The following PPP3CC variants were observed in gnomAD, a reference collection of about 807,000 sequenced individuals.
PPP3CC encodes serine/threonine-protein phosphatase 2B catalytic subunit gamma isoform.
Under a neutral mutation model 60.3 loss-of-function variants are expected in PPP3CC, and 35 were observed. That is an observed-to-expected ratio of 0.58 (90% CI 0.44 to 0.77). The LOEUF is 0.77. PPP3CC is among the 30% of genes least tolerant of loss of function. The pLI is 0.00. For synonymous variants in PPP3CC, 206 were observed against 224.3 expected, an observed-to-expected ratio of 0.92 and a Z score of 0.73; for missense variants, 570 against 628.9, an observed-to-expected ratio of 0.91 and a Z score of 1.00.
At chr8:22,523,894 G>A (rs1021937799) in intron 8 of PPP3CC, 2 of 190,716 alleles carry the variant, frequency 1.0e-5, no homozygotes, top group Non-Finnish European at 2.2e-5. Flanking sequence ...AAAACGTTTT[G>A]AGTAATGGCA....
At chr8:22,490,441 C>T (rs1239953116) in intron 3 of PPP3CC, among the ~76,000 whole-genome samples, 1 of 151,942 alleles carries the variant, frequency 6.6e-6, no homozygotes, top group African/African-American at 2.4e-5. Context: ...TCACTTACCA[C>T]TTTTTTTATA....
chr8:22,474,938 T>C lies in PPP3CC; in HGVS notation c.50-16T>C. 1 of 1,423,246 alleles carries C rather than the reference T, an allele frequency of 7.0e-7. No individual in the cohort carries two copies. 88.2% of individuals were successfully genotyped at this position (1,423,246 alleles called of 1,614,324 possible). A position where few individuals can be genotyped will look rare whatever the true frequency, so the allele number is the denominator to read the frequency against. ...ACATTTAAATATTTTAAATTATTAT[T>C]ATTATTTTTTTGTAGCTGTCCCCTT... On this transcript the variant is annotated splice_polypyrimidine_tract_variant and intron_variant, in intron 1 of 13. Coordinates refer to ENST00000240139, the MANE Select transcript of PPP3CC (RefSeq NM_005605.5).
chr8:22,471,889 T>C (rs1837733717), intron 1 of PPP3CC, among the ~76,000 whole-genome samples: 1 of 152,132 alleles, frequency 6.6e-6, no homozygotes, highest in South Asian at 2.1e-4. Flanking sequence ...CACTTTGGGA[T>C]GCTGAGGTCG....
At chr8:22,528,766 A>G (rs1432533962) in intron 10 of PPP3CC, among the ~76,000 whole-genome samples, 189 bp downstream of exon 10, 1 of 152,226 alleles carries the variant, frequency 6.6e-6, no homozygotes, top group Non-Finnish European at 1.5e-5. Flanking sequence ...CCATCATCTT[A>G]TAGATATCCA....
intron 1 of PPP3CC, among the ~76,000 whole-genome samples, chr8:22,449,230 C>T (rs1836930507): frequency 6.6e-6 from 1 of 152,124 alleles, no homozygotes. Context: ...GGCTGGATCA[C>T]TTGAGCTCAG....
intron 1 of PPP3CC, among the ~76,000 whole-genome samples, chr8:22,465,973 G>C (rs1205961570): frequency 2.6e-5 from 4 of 152,000 alleles, no homozygotes. Context: ...TTCTCCTAAT[G>C]CTCTCCCTCC....
chr8:22,531,410 T>G (rs1839713178), intron 10 of PPP3CC: 1 of 1,362,378 alleles, frequency 7.3e-7, no homozygotes. Context: ...AAATTGGTAG[T>G]TGAATAATTT....
chr8:22,522,686 G>A lies in PPP3CC; in HGVS notation c.880G>A (p.Gly294Ser), dbSNP rs1839439964. 6.2e-7 allele frequency: 1 copy of A among 1,607,724 alleles called. No individual in the cohort carries two copies. Among genetic ancestry groups the A allele is most frequent in the Non-Finnish European group, 8.5e-7 (1 of 1,174,518 alleles). ...YRMYRKSQAT[G>S]FPSLITIFSA... ...AATGTACAGGAAGAGCCAAGCCACAGGCTTTCCATCACTTATTACAATTTT... is the reference window on the plus strand; with the variant it reads ...AATGTACAGGAAGAGCCAAGCCACAAGCTTTCCATCACTTATTACAATTTT... The change falls in exon 8 of 14, where the codon GGC becomes AGC. Residue 294 changes from glycine (G) to serine (S), a missense_variant. Physicochemically the swap from Gly to Ser is moderately conservative, Grantham distance 56. Coordinates refer to ENST00000240139, the MANE Select transcript of PPP3CC (RefSeq NM_005605.5).
intron 2 of PPP3CC, 50 bp downstream of exon 2, chr8:22,475,201 G>A (rs1334300089): frequency 2.0e-6 from 3 of 1,494,052 alleles, no homozygotes; most frequent in Admixed American, 1.9e-5. Flanking sequence ...ATTTGCATGA[G>A]CAGTTTTGAG....
chr8:22,475,087 C>G lies in PPP3CC; in HGVS notation c.183C>G (p.Ile61Met). The G allele has an allele frequency of 6.2e-7, 1 of 1,613,702 alleles. No individual in the cohort carries two copies. The highest frequency in any genetic ancestry group is 8.5e-7 in the Non-Finnish European group (1 of 1,179,752). Residue 61 changes from isoleucine (I) to methionine (M), a missense_variant, in exon 2 of 14, where the codon ATC (isoleucine) becomes ATG (methionine). Transcript: ENST00000240139. Reference protein sequence around the residue: ...RLEEEVALKIINDGAAILRQE... With the variant: ...RLEEEVALKIMNDGAAILRQE... ...AAGAGGAAGTAGCCTTAAAGATAATCAATGATGGGGCTGCCATCCTGAGGC... is the reference window on the plus strand; with the variant it reads ...AAGAGGAAGTAGCCTTAAAGATAATGAATGATGGGGCTGCCATCCTGAGGC...
intron 12 of PPP3CC, 101 bp downstream of exon 12, chr8:22,533,119 C>T (rs999767474): frequency 3.6e-6 from 3 of 841,872 alleles, no homozygotes; most frequent in Admixed American, 3.4e-5. Flanking sequence ...GCCACGAGAG[C>T]AGTTGGTTAT....
chr8:22,481,856 A>G (rs1404411909), intron 3 of PPP3CC, among the ~76,000 whole-genome samples: 1 of 152,132 alleles, frequency 6.6e-6, no homozygotes, highest in Non-Finnish European at 1.5e-5. Flanking sequence ...CCCTGCAAAG[A>G]CATGAACTCA....
chr8:22,456,067 A>AGTAG (rs1376980702), intron 1 of PPP3CC, among the ~76,000 whole-genome samples: 2 of 152,366 alleles, frequency 1.3e-5, no homozygotes, highest in Non-Finnish European at 1.5e-5. Flanking sequence ...AGTCTGAAAA[A>AGTAG]GTAGGGCAGG....
At chr8:22,507,242 T>G (rs756114708) in intron 4 of PPP3CC, among the ~76,000 whole-genome samples, 29 of 152,100 alleles carry the variant, frequency 1.9e-4, no homozygotes, top group Non-Finnish European at 3.8e-4. Context: ...TCAGATAATT[T>G]TGTTGAAAAT....
chr8:22,450,015 C>T (rs949544716), intron 1 of PPP3CC, among the ~76,000 whole-genome samples: 2 of 151,564 alleles, frequency 1.3e-5, no homozygotes, highest in African/African-American at 4.8e-5. Context: ...TACAGGTGTG[C>T]GCCACCACAC....
chr8:22,444,261 CA>C (rs140849668), intron 1 of PPP3CC, among the ~76,000 whole-genome samples: 50,023 of 122,594 alleles, frequency 0.41, 9,022 homozygotes, highest in East Asian at 0.52. Flanking sequence ...AGTCTCAAGC[CA>C]AAAAAAAAAA....
At chr8:22,444,261 CAA>C (rs140849668) in intron 1 of PPP3CC, among the ~76,000 whole-genome samples, 13 of 122,610 alleles carry the variant, frequency 1.1e-4, no homozygotes, top group Middle Eastern at 4.2e-3. Context: ...AGTCTCAAGC[CAA>C]AAAAAAAAAA....
intron 10 of PPP3CC, among the ~76,000 whole-genome samples, chr8:22,530,568 C>G (rs1393453010): frequency 6.6e-6 from 1 of 151,542 alleles, no homozygotes; most frequent in African/African-American, 2.4e-5. Flanking sequence ...CATAGTGGCT[C>G]ACGCCTGTAA....
intron 1 of PPP3CC, among the ~76,000 whole-genome samples, chr8:22,467,481 G>A (rs1487491281): frequency 3.3e-5 from 5 of 152,092 alleles, no homozygotes; most frequent in South Asian, 2.1e-4. Flanking sequence ...TTGCTCTGTC[G>A]CCCAGGTTGG....
Sources: gnomAD v4.1 joint callset for allele counts (sites outside exome capture counted in the v4.1 genomes callset) on GRCh38, gnomAD v4.1.1 for gene constraint, MANE v1.5 for transcripts, NCBI Gene and HGNC (gene_info 2026-07-23, HGNC 2026-07-21) for gene names.